Variants in MTPN observed in about 807,000 individuals in gnomAD.
MTPN encodes the protein myotrophin, also known as granule cell differentiation protein.
A neutral mutation model predicts 13.5 loss-of-function variants in MTPN; 2 were observed. That is an observed-to-expected ratio of 0.15 (90% CI 0.06 to 0.47). The LOEUF (loss-of-function observed/expected upper bound fraction) is 0.47, where lower values mean the gene tolerates loss of function less well. Ranked by LOEUF, MTPN falls within the 20% of genes least tolerant of loss-of-function variation. MTPN has a pLI of 0.97. For missense variants in MTPN, 79 were observed against 137.9 expected (o/e 0.57, Z 2.14); for synonymous variants, 46 against 51.7 (o/e 0.89, Z 0.48).
chr7:135,927,349 AAC>A lies in MTPN; in HGVS notation c.*2575_*2576del. On this transcript the variant is annotated 3_prime_UTR_variant, in exon 4 of 4. Coordinates refer to ENST00000393085, the MANE Select transcript of MTPN (RefSeq NM_145808.4). ...GTATTTGAACGATAAGCCTATAGATAACAGTCTGAAGCTGCAAGGGAGACTTT... is the reference window on the plus strand; with the variant it reads ...GTATTTGAACGATAAGCCTATAGATAAGTCTGAAGCTGCAAGGGAGACTTT... 3.9e-6 allele frequency: 6 copies of A among 1,551,288 alleles called. No individual in the cohort carries two copies. The highest frequency in any genetic ancestry group is 4.4e-6 in the Non-Finnish European group (5 of 1,146,716).
At chr7:135,931,107 G>C (rs529482907) in intron 3 of MTPN, among the ~76,000 whole-genome samples, 1 of 152,242 alleles carries the variant, frequency 6.6e-6, no homozygotes, top group South Asian at 2.1e-4. Flanking sequence ...GCGGGCTCTA[G>C]ATGGGATGCC....
intron 1 of MTPN, among the ~76,000 whole-genome samples, chr7:135,961,282 G>T (rs1799517951): frequency 6.6e-6 from 1 of 151,612 alleles, no homozygotes; most frequent in Non-Finnish European, 1.5e-5. Context: ...TAGATTATAA[G>T]AACTCACTGT....
intron 1 of MTPN, among the ~76,000 whole-genome samples, chr7:135,959,194 G>A (rs1799487918): frequency 6.6e-6 from 1 of 151,952 alleles, no homozygotes. Context: ...ATCCTATCAA[G>A]TGGATGTACC....
intron 3 of MTPN, among the ~76,000 whole-genome samples, chr7:135,936,047 C>A (rs776528823): frequency 3.3e-5 from 5 of 152,176 alleles, no homozygotes; most frequent in African/African-American, 4.8e-5. Context: ...CTTGTCACAG[C>A]AACCACAATG....
intron 3 of MTPN, among the ~76,000 whole-genome samples, chr7:135,945,369 CA>C (rs1484130156): frequency 1.3e-5 from 2 of 152,184 alleles, no homozygotes; most frequent in Non-Finnish European, 2.9e-5. Context: ...ATGTCTTTAA[CA>C]TTTTGACTGT....
chr7:135,956,530 T>G (rs975713289), intron 1 of MTPN, among the ~76,000 whole-genome samples: 5 of 152,200 alleles, frequency 3.3e-5, no homozygotes. Flanking sequence ...TAGACTTTTC[T>G]GTCTCCTCCT....
rs1799793756 is a variant in MTPN at position 135,977,244 on chromosome 7, G to A, written c.-144C>T. ...AGAAGGAGGGTTAGGCTGCCAGGCGGGCGAGGCAGTTGGCCGCGGCGACCG... is the reference window on the plus strand; with the variant it reads ...AGAAGGAGGGTTAGGCTGCCAGGCGAGCGAGGCAGTTGGCCGCGGCGACCG... On this transcript the variant is annotated 5_prime_UTR_variant, in exon 1 of 4. Transcript: ENST00000393085. 1 of 812,556 alleles carries A rather than the reference G, an allele frequency of 1.2e-6. No individual in the cohort carries two copies. The highest frequency in any genetic ancestry group is 2.0e-6 in the Non-Finnish European group (1 of 496,322). The allele number at this position is 812,556 out of a possible 1,614,324, so 50.3% of individuals were successfully genotyped here.
At chr7:135,948,242 A>C (rs1005304811) in intron 3 of MTPN, among the ~76,000 whole-genome samples, 1 of 152,200 alleles carries the variant, frequency 6.6e-6, no homozygotes, top group Non-Finnish European at 1.5e-5. Flanking sequence ...TCCATTAAAG[A>C]AGCTTATGCA....
rs180979561 is a variant in MTPN, at chr7:135,926,949, C to T, written c.*2977G>A. ...CAAAGCACTAGTCTTCCTCCATTACCGCTTAGAAAGATATGATTGTTTCTC... is the reference window on the plus strand; with the variant it reads ...CAAAGCACTAGTCTTCCTCCATTACTGCTTAGAAAGATATGATTGTTTCTC... On this transcript the variant is annotated 3_prime_UTR_variant, in exon 4 of 4. Coordinates refer to ENST00000393085, the MANE Select transcript of MTPN (RefSeq NM_145808.4). 6 of 169,044 alleles carry T rather than the reference C, an allele frequency of 3.5e-5. No individual in the cohort carries two copies. Among genetic ancestry groups the T allele is most frequent in the Non-Finnish European group, 7.6e-5 (6 of 79,114 alleles). 10.5% of individuals were successfully genotyped at this position (169,044 alleles called of 1,614,324 possible).
intron 1 of MTPN, among the ~76,000 whole-genome samples, chr7:135,974,310 G>A (rs144979296): frequency 3.3e-5 from 5 of 152,218 alleles, no homozygotes; most frequent in Non-Finnish European, 7.4e-5. Flanking sequence ...TTGGGAGGCC[G>A]AGGCCAGAAG....
At chr7:135,950,138 G>A (rs1799342198) in intron 3 of MTPN, among the ~76,000 whole-genome samples, 1 of 152,150 alleles carries the variant, frequency 6.6e-6, no homozygotes, top group African/African-American at 2.4e-5. Flanking sequence ...AGCATATCAA[G>A]AAACCAGATA....
intron 1 of MTPN, among the ~76,000 whole-genome samples, chr7:135,972,637 G>A (rs1799713934): frequency 6.6e-6 from 1 of 152,098 alleles, no homozygotes; most frequent in East Asian, 1.9e-4. Flanking sequence ...CTACCCTCCA[G>A]GAGTTCAGAG....
chr7:135,959,723 C>T (rs1264599919), intron 1 of MTPN, among the ~76,000 whole-genome samples: 1 of 151,906 alleles, frequency 6.6e-6, no homozygotes, highest in Non-Finnish European at 1.5e-5. Context: ...TGCCACCTGG[C>T]TATCCCCACT....
rs905453841 is a variant in MTPN, at chr7:135,951,614, C to T, written c.89G>A (p.Arg30Gln). ...DYVAKGEDVNRTLEGGRKPLH... is the reference protein window; with the variant it reads ...DYVAKGEDVNQTLEGGRKPLH... ...AGGTTTCCTTCCACCTTCTAGTGTC[C>T]GGTTGACATCTTCTCCCTGATAAGA... is the stretch of plus-strand genomic sequence containing the variant. The change falls in exon 2 of 4, where the codon CGG becomes CAG. Residue 30 changes from arginine to glutamine, a missense_variant. Physicochemically the swap from Arg to Gln is conservative, Grantham distance 43. Coordinates refer to ENST00000393085, the MANE Select transcript of MTPN (RefSeq NM_145808.4). 1.9e-6 allele frequency: 3 copies of T among 1,609,292 alleles called. No individual in the cohort carries two copies. Among genetic ancestry groups the T allele is most frequent in the Admixed American group, 1.7e-5 (1 of 59,658 alleles).
At chr7:135,950,906 G>A (rs1799355687) in intron 2 of MTPN, among the ~76,000 whole-genome samples, 1 of 152,070 alleles carries the variant, frequency 6.6e-6, no homozygotes, top group African/African-American at 2.4e-5. Flanking sequence ...ATAGGGAGCA[G>A]GGCTTTGACC....
At chr7:135,942,483 T>C (rs963108215) in intron 3 of MTPN, among the ~76,000 whole-genome samples, 7 of 152,144 alleles carry the variant, frequency 4.6e-5, no homozygotes, top group African/African-American at 1.7e-4. Context: ...TAGAGCAAAA[T>C]TGACTGGATT....
At chr7:135,943,898 G>C (rs150310645) in intron 3 of MTPN, among the ~76,000 whole-genome samples, 1 of 152,288 alleles carries the variant, frequency 6.6e-6, no homozygotes, top group Admixed American at 6.5e-5. Context: ...AACAAATTAA[G>C]TATGCTGTCA....
intron 1 of MTPN, among the ~76,000 whole-genome samples, chr7:135,963,141 C>T (rs557523832): frequency 2.6e-5 from 4 of 152,102 alleles, no homozygotes; most frequent in South Asian, 4.1e-4. Context: ...ATAGTTGAGT[C>T]GATGTCCCCA....
At position 135,927,597 on chromosome 7, in the gene MTPN, A is replaced by T. The variant is rs948434677; in HGVS notation, c.*2329T>A. On this transcript the variant is annotated 3_prime_UTR_variant, in exon 4 of 4. Coordinates refer to ENST00000393085, the MANE Select transcript of MTPN (RefSeq NM_145808.4). ...TCCTTTACTCAAAATATGAACATTA[A>T]GTGTTGTGAATTTGTCTGCCAAGTG... 8.8e-6 allele frequency: 6 copies of T among 684,054 alleles called. No individual in the cohort carries two copies. The African/African-American group carries it at 1.1e-4, about 12-fold the overall frequency. 42.4% of individuals were successfully genotyped at this position (684,054 alleles called of 1,614,324 possible). A position where few individuals can be genotyped will look rare whatever the true frequency, so the allele number is the denominator to read the frequency against.
Sources: allele counts gnomAD v4.1 joint callset (sites outside exome capture counted in the v4.1 genomes callset), GRCh38; gene constraint gnomAD v4.1.1; transcripts MANE v1.5; gene names NCBI Gene and HGNC (gene_info 2026-07-23, HGNC 2026-07-21).